Variants in SOX5 observed in about 807,000 individuals in gnomAD.
The protein encoded by SOX5 is transcription factor SOX-5.
In SOX5, 9 loss-of-function variants were observed where a neutral mutation model predicts 92.0. That is an observed-to-expected ratio of 0.10 (90% CI 0.06 to 0.17). The LOEUF (loss-of-function observed/expected upper bound fraction) is 0.17, where lower values mean the gene tolerates loss of function less well. Ranked by LOEUF, SOX5 falls within the 10% of genes least tolerant of loss-of-function variation. The probability of loss-of-function intolerance (pLI) is 1.00; values close to 1 mark genes in which losing one functional copy is unlikely to be tolerated. For synonymous variants in SOX5, 344 were observed against 336.3 expected (o/e 1.02, Z -0.25); for missense variants, 642 against 944.5 (o/e 0.68, Z 4.20).
At chr12:23,938,165 T>C (rs1942971961) in intron 1 of SOX5, among the ~76,000 whole-genome samples, 1 of 151,068 alleles carries the variant, frequency 6.6e-6, no homozygotes, top group African/African-American at 2.4e-5. Context: ...CTTAAATTGG[T>C]ATCAGCACTT....
intron 1 of SOX5, among the ~76,000 whole-genome samples, chr12:24,528,511 G>C (rs1270614025): frequency 6.6e-6 from 1 of 152,174 alleles, no homozygotes; most frequent in African/African-American, 2.4e-5. Flanking sequence ...AGGGGAAAAA[G>C]AAAACAGAAG....
intron 1 of SOX5, among the ~76,000 whole-genome samples, chr12:23,928,754 A>G (rs1940682849): frequency 6.6e-6 from 1 of 151,828 alleles, no homozygotes; most frequent in African/African-American, 2.4e-5. Context: ...AAAAGTTATA[A>G]TTTTGACAAT....
At chr12:24,018,135 G>A (rs894739899) in intron 4 of SOX5, among the ~76,000 whole-genome samples, 3 of 151,776 alleles carry the variant, frequency 2.0e-5, no homozygotes, top group Non-Finnish European at 4.4e-5. Context: ...CTACATCACC[G>A]GCTTTCCCAG....
chr12:24,453,858 A>C (rs117605645), intron 1 of SOX5, among the ~76,000 whole-genome samples: 3 of 152,218 alleles, frequency 2.0e-5, no homozygotes, highest in Non-Finnish European at 4.4e-5. Flanking sequence ...TTGATACTCC[A>C]TCAGCGTCTA....
At position 23,713,696 on chromosome 12, in the gene SOX5, A is replaced by AATATATATAAATATATATATATATCTTTT. The variant is rs568236934; in HGVS notation, c.810+20959_810+20987dup. ...GAATGTGTGTATTGAAATTATCTGGAATATATATAAATATATATATATATC... is the reference window on the plus strand; with the variant it reads ...GAATGTGTGTATTGAAATTATCTGGAATATATATAAATATATATATATATCTTTTATATATATAAATATATATATATATC... On this transcript the variant is annotated intron_variant, in intron 6 of 14. Transcript: ENST00000451604. Among the ~76,000 whole-genome samples, 763 of 146,838 alleles carry AATATATATAAATATATATATATATCTTTT rather than the reference A, an allele frequency of 5.2e-3. 7 individuals are homozygous for AATATATATAAATATATATATATATCTTTT. The highest frequency in any genetic ancestry group is 0.018 in the South Asian group (83 of 4,734).
At chr12:24,212,580 T>C in intron 4 of SOX5, 1 of 484,170 alleles carries the variant, frequency 2.1e-6, no homozygotes, top group South Asian at 1.6e-5. Flanking sequence ...TAGTGAGAGT[T>C]GTGAGCATTG....
intron 1 of SOX5, among the ~76,000 whole-genome samples, chr12:24,548,602 T>G (rs955045188): frequency 2.0e-5 from 3 of 152,152 alleles, no homozygotes; most frequent in African/African-American, 7.2e-5. Context: ...CTGTGAAACA[T>G]GGAAACACTG....
At chr12:23,577,274 G>A (rs1219483340) in intron 9 of SOX5, among the ~76,000 whole-genome samples, 1 of 141,994 alleles carries the variant, frequency 7.0e-6, no homozygotes, top group Non-Finnish European at 1.5e-5. Flanking sequence ...GGCTCATCGT[G>A]ATCTCCGCCT....
intron 3 of SOX5, among the ~76,000 whole-genome samples, chr12:23,824,294 G>A (rs1236888931): frequency 1.3e-5 from 2 of 152,168 alleles, no homozygotes; most frequent in Non-Finnish European, 2.9e-5. Flanking sequence ...TCTTCAGATG[G>A]AGTTTTTGCA....
chr12:23,820,138 G>C (rs547320376), intron 3 of SOX5, among the ~76,000 whole-genome samples: 1 of 152,104 alleles, frequency 6.6e-6, no homozygotes, highest in Non-Finnish European at 1.5e-5. Context: ...GGTGTGAGAT[G>C]GTATCTCATT....
intron 3 of SOX5, among the ~76,000 whole-genome samples, chr12:23,778,369 T>A (rs948914170): frequency 8.5e-5 from 13 of 152,140 alleles, no homozygotes; most frequent in African/African-American, 2.7e-4. Flanking sequence ...GTGAACCAAG[T>A]TTTATAAGCT....
At chr12:23,779,162 T>C (rs1348669619) in intron 3 of SOX5, among the ~76,000 whole-genome samples, 3 of 152,134 alleles carry the variant, frequency 2.0e-5, no homozygotes, top group African/African-American at 7.2e-5. Context: ...GAAACTTTCA[T>C]AAATTGTCAT....
At chr12:23,715,838 G>A (rs899316510) in intron 6 of SOX5, among the ~76,000 whole-genome samples, 16 of 139,890 alleles carry the variant, frequency 1.1e-4, no homozygotes, top group Non-Finnish European at 2.3e-4. Flanking sequence ...AAAAAACTTG[G>A]CCTCAAAGGA....
At chr12:23,826,426 T>C (rs1279587087) in intron 3 of SOX5, among the ~76,000 whole-genome samples, 2 of 152,180 alleles carry the variant, frequency 1.3e-5, no homozygotes, top group Non-Finnish European at 2.9e-5. Context: ...AGTATGGCTA[T>C]AGTTCTCCTT....
chr12:24,471,695 T>G (rs1944838961), intron 1 of SOX5, among the ~76,000 whole-genome samples: 1 of 152,190 alleles, frequency 6.6e-6, no homozygotes, highest in Admixed American at 6.5e-5. Context: ...ATGTTAGGTG[T>G]GTTACTAATG....
intron 10 of SOX5, among the ~76,000 whole-genome samples, chr12:23,566,867 T>A (rs1215026502): frequency 6.6e-6 from 1 of 152,220 alleles, no homozygotes; most frequent in African/African-American, 2.4e-5. Flanking sequence ...GGATTTCCAG[T>A]TCTTGGTAAG....
chr12:24,039,393 T>G (rs1370475268), intron 4 of SOX5, among the ~76,000 whole-genome samples: 1 of 152,184 alleles, frequency 6.6e-6, no homozygotes, highest in Non-Finnish European at 1.5e-5. Context: ...AAGGTCTTGC[T>G]AAAGTCAACA....
chr12:23,958,834 C>A (rs1045472125), intron 4 of SOX5, among the ~76,000 whole-genome samples: 1 of 151,164 alleles, frequency 6.6e-6, no homozygotes, highest in African/African-American at 2.4e-5. Context: ...CAATTTAAAA[C>A]CCCCAGAAAC....
intron 1 of SOX5, among the ~76,000 whole-genome samples, chr12:24,396,881 A>C (rs1960161161): frequency 6.6e-6 from 1 of 152,208 alleles, no homozygotes; most frequent in African/African-American, 2.4e-5. Flanking sequence ...TAATTCCTTG[A>C]AATATTTTAA....
Sources: gnomAD v4.1 joint callset for allele counts (sites outside exome capture counted in the v4.1 genomes callset) on GRCh38, gnomAD v4.1.1 for gene constraint, MANE v1.5 for transcripts, NCBI Gene and HGNC (gene_info 2026-07-23, HGNC 2026-07-21) for gene names.